The following KDM4C variants were observed in gnomAD, a reference collection of about 807,000 sequenced individuals.
The protein encoded by KDM4C is lysine-specific demethylase 4C.
In KDM4C, 81 loss-of-function variants were observed where a neutral mutation model predicts 129.3. The ratio of observed to expected loss-of-function variants is 0.63; its 90% CI spans 0.52 to 0.75. The LOEUF (loss-of-function observed/expected upper bound fraction) is 0.75, where lower values mean the gene tolerates loss of function less well. Among genes scored for constraint, KDM4C ranks in the 30% least tolerant of loss-of-function variants. The probability of loss-of-function intolerance (pLI) is 0.00; values close to 1 mark genes in which losing one functional copy is unlikely to be tolerated. For synonymous variants in KDM4C, 573 were observed against 456.1 expected, an observed-to-expected ratio of 1.26 and a Z score of -3.26; for missense variants, 1,457 against 1,304.0, an observed-to-expected ratio of 1.12 and a Z score of -1.81.
At chr9:6,854,980 G>T (rs769239319) in intron 5 of KDM4C, among the ~76,000 whole-genome samples, 14 of 152,150 alleles carry the variant, frequency 9.2e-5, no homozygotes, top group Non-Finnish European at 2.1e-4. Flanking sequence ...CACCCACCTT[G>T]TAAGGCAATT....
intron 12 of KDM4C, among the ~76,000 whole-genome samples, chr9:7,001,994 G>C (rs933710791): frequency 1.3e-5 from 2 of 152,192 alleles, no homozygotes; most frequent in African/African-American, 4.8e-5. Context: ...CTGGGTTCAA[G>C]TGATTCTCCT....
chr9:6,835,290 C>A, intron 4 of KDM4C: 1 of 911,392 alleles, frequency 1.1e-6, no homozygotes, highest in Non-Finnish European at 1.9e-6. Flanking sequence ...CTACCTTGAA[C>A]TCCATTATGA....
chr9:7,049,781 G>A, intron 17 of KDM4C, among the ~76,000 whole-genome samples: 1 of 152,036 alleles, frequency 6.6e-6, no homozygotes, highest in African/African-American at 2.4e-5. Context: ...GAAAATATAG[G>A]CCTTTATTGT....
chr9:6,843,058 T>G (rs1837258744), intron 4 of KDM4C, among the ~76,000 whole-genome samples: 1 of 152,144 alleles, frequency 6.6e-6, no homozygotes, highest in South Asian at 2.1e-4. Context: ...GCCTCCCGAG[T>G]AGCTGGGATT....
chr9:7,052,456 G>A (rs1388948220), intron 17 of KDM4C, among the ~76,000 whole-genome samples: 1 of 152,204 alleles, frequency 6.6e-6, no homozygotes, highest in Non-Finnish European at 1.5e-5. Context: ...GTGGCTGGAG[G>A]AGTGCGATCA....
At position 7,175,473 on chromosome 9, in the gene KDM4C, A is replaced by G. The variant is rs1468015284; in HGVS notation, c.*744A>G. ...TTTTAAACACTTTTTTTCATAATACATATTCCGAGTAGATATTTATAAAAT... is the reference window on the plus strand; with the variant it reads ...TTTTAAACACTTTTTTTCATAATACGTATTCCGAGTAGATATTTATAAAAT... On this transcript the variant is annotated 3_prime_UTR_variant, in exon 22 of 22. Transcript: ENST00000381309. 6.6e-6 allele frequency: 1 copy of G among 152,590 alleles called. No individual in the cohort carries two copies. The highest frequency in any genetic ancestry group is 1.5e-5 in the Non-Finnish European group (1 of 68,028). The allele number at this position is 152,590 out of a possible 1,614,324, so 9.5% of individuals were successfully genotyped here.
intron 1 of KDM4C, among the ~76,000 whole-genome samples, chr9:6,782,829 G>A (rs976500950): frequency 2.0e-5 from 3 of 152,130 alleles, no homozygotes; most frequent in Non-Finnish European, 4.4e-5. Context: ...GAGAATTGAC[G>A]GTGGTGAACT....
intron 19 of KDM4C, among the ~76,000 whole-genome samples, chr9:7,137,825 G>T (rs1266487787): frequency 1.3e-5 from 2 of 152,186 alleles, no homozygotes; most frequent in Non-Finnish European, 2.9e-5. Flanking sequence ...CATCCCAGAA[G>T]ATATGAGGCC....
intron 17 of KDM4C, among the ~76,000 whole-genome samples, chr9:7,052,199 A>C (rs1830243339): frequency 6.6e-6 from 1 of 152,222 alleles, no homozygotes. Context: ...AAAGCAATAA[A>C]GTCTGGTAAC....
chr9:6,917,326 C>T lies in KDM4C; in HGVS notation c.921+24094C>T, dbSNP rs541547873. Among the ~76,000 whole-genome samples the T allele has an allele frequency of 8.5e-5, 13 of 152,342 alleles. No homozygotes were observed. The East Asian group carries it at 1.7e-3, about 20-fold the overall frequency. On this transcript the variant is annotated intron_variant, in intron 8 of 21. Transcript: ENST00000381309. ...TCTCCACTACCCAAACTGTAGCATGCACTTGGACCCCAGTAGGGTTTAAAA... is the reference window on the plus strand; with the variant it reads ...TCTCCACTACCCAAACTGTAGCATGTACTTGGACCCCAGTAGGGTTTAAAA...
At chr9:7,173,308 G>GGGCC (rs1463604117) in intron 21 of KDM4C, among the ~76,000 whole-genome samples, 9 of 152,212 alleles carry the variant, frequency 5.9e-5, no homozygotes, top group Non-Finnish European at 2.9e-5. Context: ...GAGAAGCATG[G>GGGCC]GGCCCTGAGC....
chr9:6,790,869 C>G (rs746803492), intron 1 of KDM4C, among the ~76,000 whole-genome samples: 17 of 152,068 alleles, frequency 1.1e-4, no homozygotes, highest in Admixed American at 3.3e-4. Context: ...AAGGAATCAT[C>G]CTGTTTATTG....
At chr9:6,985,914 C>T (rs1026193006) in intron 10 of KDM4C, among the ~76,000 whole-genome samples, 1 of 152,226 alleles carries the variant, frequency 6.6e-6, no homozygotes, top group Non-Finnish European at 1.5e-5. Flanking sequence ...TGATCTTGAA[C>T]TTCTGGCCTC....
intron 8 of KDM4C, among the ~76,000 whole-genome samples, chr9:6,907,512 A>G (rs937888878): frequency 2.2e-4 from 33 of 152,318 alleles, no homozygotes; most frequent in African/African-American, 7.7e-4. Context: ...CATAGCAGAG[A>G]TGTTTTAAAA....
chr9:6,986,133 T>TA (rs1357310106), intron 10 of KDM4C, among the ~76,000 whole-genome samples: 3 of 152,250 alleles, frequency 2.0e-5, no homozygotes, highest in Non-Finnish European at 4.4e-5. Flanking sequence ...AGCCCTGGCA[T>TA]AATACTTGAG....
intron 5 of KDM4C, among the ~76,000 whole-genome samples, chr9:6,860,196 A>T (rs1050179762): frequency 1.3e-5 from 2 of 151,830 alleles, no homozygotes; most frequent in Non-Finnish European, 2.9e-5. Flanking sequence ...GGTGATGGGG[A>T]TGGGGGGGCG....
chr9:7,019,734 AT>A (rs1824378741), intron 15 of KDM4C, among the ~76,000 whole-genome samples: 1 of 122,626 alleles, frequency 8.2e-6, no homozygotes, highest in African/African-American at 3.2e-5. Flanking sequence ...ATTTTTATAT[AT>A]AAAAATATAA....
At chr9:7,170,100 C>G in intron 21 of KDM4C, 2 of 1,449,804 alleles carry the variant, frequency 1.4e-6, no homozygotes, top group South Asian at 2.8e-5. Context: ...TACTTTTCTT[C>G]TAATGAAGTC....
At chr9:6,836,426 T>C (rs1310360031) in intron 4 of KDM4C, among the ~76,000 whole-genome samples, 1 of 152,226 alleles carries the variant, frequency 6.6e-6, no homozygotes, top group Non-Finnish European at 1.5e-5. Context: ...GATTTATATA[T>C]GTACAATATA....
Sources: allele counts gnomAD v4.1 joint callset (sites outside exome capture counted in the v4.1 genomes callset), GRCh38; gene constraint gnomAD v4.1.1; transcripts MANE v1.5; gene names NCBI Gene and HGNC (gene_info 2026-07-23, HGNC 2026-07-21).